Variants in RSPH1 observed in about 807,000 individuals in gnomAD.
RSPH1 encodes the protein radial spoke head 1 homolog.
A neutral mutation model predicts 44.2 loss-of-function variants in RSPH1; 32 were observed. The observed-to-expected ratio is 0.72, with a 90% CI of 0.55 to 0.97. RSPH1 has a LOEUF of 0.97. RSPH1 is among the 50% of genes least tolerant of loss of function. The probability of loss-of-function intolerance (pLI) is 0.00; values close to 1 mark genes in which losing one functional copy is unlikely to be tolerated. For synonymous variants in RSPH1, 134 were observed against 147.3 expected (o/e 0.91, Z 0.65); for missense variants, 391 against 398.7 (o/e 0.98, Z 0.16).
chr21:42,482,330 G>T (rs117313892), intron 6 of RSPH1, among the ~76,000 whole-genome samples: 3 of 152,150 alleles, frequency 2.0e-5, no homozygotes, highest in Non-Finnish European at 4.4e-5. Flanking sequence ...GCAATCCACC[G>T]CTTCGGCCTC....
At chr21:42,480,222 C>G (rs913929578) in intron 6 of RSPH1, among the ~76,000 whole-genome samples, 8 of 152,170 alleles carry the variant, frequency 5.3e-5, no homozygotes, top group Non-Finnish European at 1.2e-4. Flanking sequence ...ACTGTGGCCA[C>G]TTGGGAAGCA....
At chr21:42,489,756 T>A (rs1056196716) in intron 3 of RSPH1, among the ~76,000 whole-genome samples, 1 of 151,828 alleles carries the variant, frequency 6.6e-6, no homozygotes, top group Non-Finnish European at 1.5e-5. Context: ...AGAGACTGCA[T>A]GCATTCCCCA....
chr21:42,488,996 G>GTTGGTTGT (rs923513247), intron 3 of RSPH1, among the ~76,000 whole-genome samples: 1 of 151,894 alleles, frequency 6.6e-6, no homozygotes, highest in African/African-American at 2.4e-5. Context: ...CAGTTGGTTG[G>GTTGGTTGT]TTGGTTGGTT....
At chr21:42,473,590 C>T (rs143670326) in intron 8 of RSPH1, among the ~76,000 whole-genome samples, 63 of 151,154 alleles carry the variant, frequency 4.2e-4, no homozygotes, top group African/African-American at 1.5e-3. Flanking sequence ...ATTAATTAAA[C>T]TCTATAACTT....
chr21:42,482,031 C>T (rs940811657), intron 6 of RSPH1, among the ~76,000 whole-genome samples: 3 of 152,248 alleles, frequency 2.0e-5, no homozygotes, highest in South Asian at 2.1e-4. Context: ...ACTTGCAGGA[C>T]CTAACACTGT....
At chr21:42,493,246 C>T (rs1398305267) in intron 1 of RSPH1, among the ~76,000 whole-genome samples, 167 bp from the exon 2 acceptor site, 5 of 152,176 alleles carry the variant, frequency 3.3e-5, no homozygotes, top group Admixed American at 1.3e-4. Context: ...TAGGTAACAA[C>T]GCCTGGGCTA....
intron 3 of RSPH1, among the ~76,000 whole-genome samples, chr21:42,492,303 C>T (rs2054243841): frequency 6.6e-6 from 1 of 152,236 alleles, no homozygotes; most frequent in Non-Finnish European, 1.5e-5. Context: ...GTCAGTTTAA[C>T]AAGGCAGGAA....
At chr21:42,486,542 T>C in intron 3 of RSPH1, 81 bp from the exon 4 acceptor site, 1 of 1,003,872 alleles carries the variant, frequency 1.0e-6, no homozygotes, top group Admixed American at 1.7e-5. Flanking sequence ...TTGTTAACCA[T>C]GGCAAAGGCA....
At chr21:42,495,933 C>T in intron 1 of RSPH1, 200 bp downstream of exon 1, 1 of 589,474 alleles carries the variant, frequency 1.7e-6, no homozygotes, top group Middle Eastern at 3.1e-4. Flanking sequence ...GGTAACCAGA[C>T]GTCACAGCGT....
At chr21:42,472,932 T>G in intron 8 of RSPH1, 62 bp from the exon 9 acceptor site, 1 of 1,233,650 alleles carries the variant, frequency 8.1e-7, no homozygotes, top group East Asian at 2.4e-5. Context: ...TTTAAAGCCT[T>G]TATTCACTAA....
chr21:42,486,512 C>A, intron 3 of RSPH1, 51 bp from the exon 4 acceptor site: 3 of 1,280,818 alleles, frequency 2.3e-6, no homozygotes, highest in East Asian at 2.3e-5. Flanking sequence ...GGGATCGATG[C>A]CCTGTACCAT....
chr21:42,476,174 T>G, intron 7 of RSPH1, 127 bp from the exon 8 acceptor site: 3 of 880,248 alleles, frequency 3.4e-6, no homozygotes, highest in East Asian at 2.7e-5. Context: ...GCACCTCATG[T>G]TCCCCATCTC....
intron 3 of RSPH1, among the ~76,000 whole-genome samples, chr21:42,491,277 G>A (rs903542252): frequency 6.6e-6 from 1 of 152,164 alleles, no homozygotes. Context: ...TGTGGGGTCT[G>A]TGCTAACTCT....
intron 3 of RSPH1, among the ~76,000 whole-genome samples, chr21:42,489,378 T>G (rs533923991): frequency 6.6e-6 from 1 of 152,322 alleles, no homozygotes; most frequent in South Asian, 2.1e-4. Context: ...GTCAGTTGGC[T>G]GGTTGGTTGA....
intron 3 of RSPH1, among the ~76,000 whole-genome samples, chr21:42,488,611 G>C (rs1190250940): frequency 1.3e-5 from 2 of 152,140 alleles, no homozygotes; most frequent in African/African-American, 4.8e-5. Context: ...AAAAATAAAA[G>C]AGAACAGTTA....
At chr21:42,484,382 T>A (rs979537211) in intron 5 of RSPH1, among the ~76,000 whole-genome samples, 1 of 152,242 alleles carries the variant, frequency 6.6e-6, no homozygotes, top group African/African-American at 2.4e-5. Context: ...TTATCTAACC[T>A]ACACAATAGT....
chr21:42,479,575 A>G (rs201420107), intron 6 of RSPH1, among the ~76,000 whole-genome samples: 1 of 152,208 alleles, frequency 6.6e-6, no homozygotes, highest in East Asian at 1.9e-4. Context: ...TGCTGACAAG[A>G]TATCAATTTA....
chr21:42,490,437 T>C (rs934658958), intron 3 of RSPH1, among the ~76,000 whole-genome samples: 1 of 152,230 alleles, frequency 6.6e-6, no homozygotes, highest in African/African-American at 2.4e-5. Context: ...TGGAAGAGTA[T>C]TGGCTTACTA....
At chr21:42,491,565 T>C (rs2146662890) in intron 3 of RSPH1, among the ~76,000 whole-genome samples, 1 of 152,298 alleles carries the variant, frequency 6.6e-6, no homozygotes, top group East Asian at 1.9e-4. Context: ...AGCCCCAAAT[T>C]AAATTGTTTA....
Sources: allele counts gnomAD v4.1 joint callset (sites outside exome capture counted in the v4.1 genomes callset), GRCh38; gene constraint gnomAD v4.1.1; transcripts MANE v1.5; gene names NCBI Gene and HGNC (gene_info 2026-07-23, HGNC 2026-07-21).